The following KLHL1 variants were observed in gnomAD, a reference collection of about 807,000 sequenced individuals.
The protein encoded by KLHL1 is kelch-like protein 1.
Under a neutral mutation model 77.7 loss-of-function variants are expected in KLHL1, and 47 were observed. The observed-to-expected ratio is 0.60, with a 90% CI of 0.48 to 0.77. The LOEUF is 0.77. Ranked by LOEUF, KLHL1 falls within the 30% of genes least tolerant of loss-of-function variation. KLHL1 has a pLI of 0.00. For synonymous variants in KLHL1, 360 were observed against 325.2 expected (o/e 1.11, Z -1.15); for missense variants, 925 against 910.8 (o/e 1.02, Z -0.20).
At chr13:69,926,375 GCTA>G (rs1882813755) in intron 4 of KLHL1, among the ~76,000 whole-genome samples, 1 of 152,100 alleles carries the variant, frequency 6.6e-6, no homozygotes, top group Non-Finnish European at 1.5e-5. Context: ...TTGCAAGTAT[GCTA>G]ATAGTTCAAG....
chr13:69,792,565 C>A (rs1311357966), intron 7 of KLHL1, among the ~76,000 whole-genome samples: 1 of 142,956 alleles, frequency 7.0e-6, no homozygotes, highest in Non-Finnish European at 1.5e-5. Context: ...ATACCAAAAA[C>A]AATTGAAAAC....
intron 9 of KLHL1, among the ~76,000 whole-genome samples, chr13:69,714,477 A>C (rs9564592): frequency 0.51 from 77,745 of 152,066 alleles, 20,737 homozygotes; most frequent in East Asian, 0.67. Flanking sequence ...TACGCTTAAC[A>C]GTTCAAAACT....
intron 3 of KLHL1, among the ~76,000 whole-genome samples, chr13:69,951,656 A>G (rs1883715390): frequency 6.6e-6 from 1 of 151,342 alleles, no homozygotes; most frequent in Non-Finnish European, 1.5e-5. Context: ...GTTGACAAAG[A>G]TTTTGTATTT....
chr13:69,732,805 C>T (rs1355891949), intron 8 of KLHL1, among the ~76,000 whole-genome samples: 4 of 152,134 alleles, frequency 2.6e-5, no homozygotes, highest in South Asian at 2.1e-4. Context: ...AAGCCATTGG[C>T]GCCAGCAGAT....
Position 69,961,426 on chromosome 13 carries a change from G to C in KLHL1, c.699C>G (p.Val233=). 1 of 1,612,822 alleles carries C rather than the reference G, an allele frequency of 6.2e-7. No individual in the cohort carries two copies. The highest frequency in any genetic ancestry group is 8.5e-7 in the Non-Finnish European group (1 of 1,179,290). The change falls in exon 3 of 11, where the codon GTC becomes GTG. Residue 233 remains valine (V), a synonymous_variant. Coordinates refer to ENST00000377844, the MANE Select transcript of KLHL1 (RefSeq NM_020866.3). The part of the protein sequence containing the change: ...IPAHRLVLSS[V]SDYFAAMFTS... ...TAAACATGGCCGCAAAATAGTCGGA[G>C]ACTGAACTCAGAACAAGCCTGAAAG...
chr13:69,773,961 C>T (rs1002297935), intron 7 of KLHL1, among the ~76,000 whole-genome samples: 3 of 151,244 alleles, frequency 2.0e-5, no homozygotes, highest in Admixed American at 6.6e-5. Flanking sequence ...TCTGTAAGTA[C>T]CATAACAAAT....
chr13:70,055,213 C>G (rs527658189), intron 1 of KLHL1, among the ~76,000 whole-genome samples: 2 of 152,038 alleles, frequency 1.3e-5, no homozygotes, highest in South Asian at 2.1e-4. Context: ...GCAATACATC[C>G]GGCAGCTGAC....
chr13:69,906,788 T>C (rs1882060530), intron 4 of KLHL1, among the ~76,000 whole-genome samples: 1 of 151,980 alleles, frequency 6.6e-6, no homozygotes, highest in Non-Finnish European at 1.5e-5. Flanking sequence ...TTACACATAC[T>C]TTTGACATCT....
intron 4 of KLHL1, among the ~76,000 whole-genome samples, chr13:69,925,977 A>C (rs1473851074): frequency 6.6e-6 from 1 of 152,246 alleles, no homozygotes; most frequent in Non-Finnish European, 1.5e-5. Flanking sequence ...ACAATAATCA[A>C]ATACAATACA....
At chr13:70,014,806 C>T (rs979124567) in intron 1 of KLHL1, among the ~76,000 whole-genome samples, 7 of 152,078 alleles carry the variant, frequency 4.6e-5, no homozygotes, top group South Asian at 2.1e-4. Context: ...GATAAACAGA[C>T]GCTTGCTTTT....
At chr13:69,895,031 C>T (rs1351307472) in intron 4 of KLHL1, 1 of 508,594 alleles carries the variant, frequency 2.0e-6, no homozygotes, top group Non-Finnish European at 3.9e-6. Context: ...ATGATCTCTT[C>T]CAAGGTTCCT....
intron 6 of KLHL1, among the ~76,000 whole-genome samples, chr13:69,815,506 G>T (rs1878081428): frequency 6.6e-6 from 1 of 152,092 alleles, no homozygotes; most frequent in Non-Finnish European, 1.5e-5. Flanking sequence ...TAAACACTGG[G>T]TACAAAAGGA....
At chr13:69,943,958 T>G (rs768835662) in intron 3 of KLHL1, among the ~76,000 whole-genome samples, 8 of 152,184 alleles carry the variant, frequency 5.3e-5, no homozygotes, top group Non-Finnish European at 1.2e-4. Context: ...GGAAGGTGAC[T>G]TCCTGTAATC....
At chr13:70,027,084 A>G (rs376613869) in intron 1 of KLHL1, among the ~76,000 whole-genome samples, 7 of 152,154 alleles carry the variant, frequency 4.6e-5, no homozygotes, top group African/African-American at 1.7e-4. Flanking sequence ...ATATTCTTAA[A>G]TACAAAAACA....
intron 7 of KLHL1, among the ~76,000 whole-genome samples, chr13:69,776,345 G>A (rs569063198): frequency 1.3e-5 from 2 of 152,138 alleles, no homozygotes; most frequent in South Asian, 2.1e-4. Context: ...GCAAAATGAA[G>A]CAAAGCAAAA....
chr13:69,774,091 A>G (rs1194298401), intron 7 of KLHL1, among the ~76,000 whole-genome samples: 1 of 151,926 alleles, frequency 6.6e-6, no homozygotes, highest in Non-Finnish European at 1.5e-5. Flanking sequence ...GAAAAAATCC[A>G]GTTCAGTGCT....
chr13:69,814,644 A>G (rs1165447676), intron 6 of KLHL1, among the ~76,000 whole-genome samples: 2 of 152,306 alleles, frequency 1.3e-5, no homozygotes, highest in East Asian at 1.9e-4. Flanking sequence ...ACTCAACATC[A>G]CTAATCATCA....
chr13:69,858,443 AGAT>A (rs1277814320), intron 5 of KLHL1, among the ~76,000 whole-genome samples: 4 of 152,132 alleles, frequency 2.6e-5, no homozygotes, highest in African/African-American at 9.7e-5. Context: ...CTTGAAAACA[AGAT>A]GACATTCATT....
chr13:70,052,736 C>T (rs1192112304), intron 1 of KLHL1, among the ~76,000 whole-genome samples: 2 of 151,918 alleles, frequency 1.3e-5, no homozygotes, highest in Non-Finnish European at 2.9e-5. Context: ...CCTTCTCTCT[C>T]TCTCACATGC....
Sources: gnomAD v4.1 joint callset for allele counts (sites outside exome capture counted in the v4.1 genomes callset) on GRCh38, gnomAD v4.1.1 for gene constraint, MANE v1.5 for transcripts, NCBI Gene and HGNC (gene_info 2026-07-23, HGNC 2026-07-21) for gene names.